Variants in SYNE2 observed in about 807,000 individuals in gnomAD.
The protein encoded by SYNE2 is nesprin-2.
Under a neutral mutation model 856.3 loss-of-function variants are expected in SYNE2, and 431 were observed. The ratio of observed to expected loss-of-function variants is 0.50; its 90% CI spans 0.47 to 0.55. The LOEUF is 0.55. SYNE2 is among the 20% of genes least tolerant of loss of function. SYNE2 has a pLI of 0.00. For synonymous variants in SYNE2, 2,923 were observed against 2,872.3 expected, an observed-to-expected ratio of 1.02 and a Z score of -0.56; for missense variants, 8,129 against 8,023.2, an observed-to-expected ratio of 1.01 and a Z score of -0.50.
intron 99 of SYNE2, 109 bp from the exon 100 acceptor site, chr14:64,202,692 A>G: frequency 7.1e-7 from 1 of 1,402,590 alleles, no homozygotes; most frequent in Non-Finnish European, 9.9e-7. Context: ...ATTCTTTTTT[A>G]CCCTGCAATG....
intron 94 of SYNE2, among the ~76,000 whole-genome samples, chr14:64,173,145 G>C (rs1223114855): frequency 6.6e-6 from 1 of 152,168 alleles, no homozygotes; most frequent in Admixed American, 6.5e-5. Context: ...GACGCAGTGC[G>C]TTAGGGTAGA....
At chr14:63,832,119 A>T (rs1048184617) in intron 1 of SYNE2, among the ~76,000 whole-genome samples, 10 of 152,116 alleles carry the variant, frequency 6.6e-5, no homozygotes, top group Admixed American at 5.2e-4. Context: ...CTACTAAATT[A>T]TGATTTTCAA....
chr14:63,829,545 G>A (rs781733861), intron 1 of SYNE2, among the ~76,000 whole-genome samples: 2 of 151,498 alleles, frequency 1.3e-5, no homozygotes, highest in African/African-American at 2.4e-5. Flanking sequence ...TGATTAAAAC[G>A]TATCTACACA....
Position 64,128,480 on chromosome 14 carries a change from T to C in SYNE2, c.13946T>C (p.Leu4649Pro). 2 of 1,600,110 alleles carry C rather than the reference T, an allele frequency of 1.2e-6. No homozygotes were observed. Among genetic ancestry groups the C allele is most frequent in the Non-Finnish European group, 1.7e-6 (2 of 1,167,210 alleles). The change falls in exon 74 of 116, where the codon CTC becomes CCC. Residue 4649 changes from leucine (L) to proline (P), a missense_variant. By Grantham distance (98) the Leu-to-Pro change is moderately conservative. Around this residue, in one of 3 missense-constraint regions of SYNE2, gnomAD observed 5,410 missense variants for 5,284.8 expected, o/e 1.02. Coordinates refer to ENST00000555002, the MANE Select transcript of SYNE2 (RefSeq NM_182914.3). Reference protein sequence around the residue: ...QNEIKRLYHQLIKSKTSLQQS... With the variant: ...QNEIKRLYHQPIKSKTSLQQS... ...GAAATAAAGAGATTATATCATCAGC[T>C]CATTAAGAGTAAGACATCTTTACAA...
chr14:63,948,407 T>C (rs1278710377), intron 6 of SYNE2, among the ~76,000 whole-genome samples: 1 of 152,124 alleles, frequency 6.6e-6, no homozygotes, highest in Non-Finnish European at 1.5e-5. Context: ...CTCACGCCTG[T>C]AATCCCAGCA....
intron 2 of SYNE2, among the ~76,000 whole-genome samples, chr14:63,939,165 A>T (rs2095869601): frequency 6.6e-6 from 1 of 152,054 alleles, no homozygotes; most frequent in Non-Finnish European, 1.5e-5. Flanking sequence ...ATGGAAGCTC[A>T]GTTGTTGAGT....
intron 99 of SYNE2, among the ~76,000 whole-genome samples, chr14:64,195,434 CAAGG>C (rs1292760646): frequency 6.6e-6 from 1 of 152,188 alleles, no homozygotes; most frequent in Non-Finnish European, 1.5e-5. Context: ...AAGCCACTGA[CAAGG>C]AGGGACTTTC....
chr14:64,017,654 C>A lies in SYNE2; in HGVS notation c.4947C>A (p.Asp1649Glu). ...TTGGTCGAGCTCTAGCTTTGTGGGACAAACTTTTTAACTTAAAAAATGTCA... is the reference window on the plus strand; with the variant it reads ...TTGGTCGAGCTCTAGCTTTGTGGGAAAAACTTTTTAACTTAAAAAATGTCA... ...ENLGRALALW[D>E]KLFNLKNVID... The change falls in exon 34 of 116, where the codon GAC becomes GAA. Residue 1649 changes from aspartate (D) to glutamate (E), a missense_variant. Asp to Glu is a conservative substitution (Grantham distance 45). Coordinates refer to ENST00000555002, the MANE Select transcript of SYNE2 (RefSeq NM_182914.3). 1 of 1,613,408 alleles carries A rather than the reference C, an allele frequency of 6.2e-7. No individual in the cohort carries two copies. The highest frequency in any genetic ancestry group is 2.2e-5 in the East Asian group (1 of 44,766).
At chr14:63,840,003 T>A (rs1351267082) in intron 1 of SYNE2, among the ~76,000 whole-genome samples, 2 of 152,210 alleles carry the variant, frequency 1.3e-5, no homozygotes, top group Non-Finnish European at 2.9e-5. Flanking sequence ...GCACGGTGGC[T>A]CACGCCTATA....
intron 1 of SYNE2, among the ~76,000 whole-genome samples, chr14:63,870,197 T>G (rs1896514617): frequency 6.6e-6 from 1 of 152,136 alleles, no homozygotes; most frequent in African/African-American, 2.4e-5. Context: ...ATTAACCCTG[T>G]GCTTTTCTTC....
intron 1 of SYNE2, among the ~76,000 whole-genome samples, chr14:63,796,014 A>G (rs1236706376): frequency 6.6e-6 from 1 of 152,248 alleles, no homozygotes; most frequent in Non-Finnish European, 1.5e-5. Flanking sequence ...GTACAGAGGA[A>G]ATTGTTAGAA....
At chr14:64,016,117 G>A (rs2096890008) in intron 32 of SYNE2, among the ~76,000 whole-genome samples, 1 of 151,902 alleles carries the variant, frequency 6.6e-6, no homozygotes, top group Non-Finnish European at 1.5e-5. Flanking sequence ...ATTCTTATTA[G>A]GCAGATGTAG....
intron 61 of SYNE2, among the ~76,000 whole-genome samples, chr14:64,093,783 G>T (rs906819357): frequency 1.3e-5 from 2 of 152,126 alleles, no homozygotes; most frequent in African/African-American, 4.8e-5. Flanking sequence ...CAGGGCTGCC[G>T]CATCTCCTTC....
chr14:64,189,357 T>A (rs1277097794), intron 98 of SYNE2, among the ~76,000 whole-genome samples: 1 of 151,056 alleles, frequency 6.6e-6, no homozygotes, highest in Admixed American at 6.6e-5. Context: ...GAAGCTCCCC[T>A]TGTTAAAGGG....
In SYNE2 at chr14:63,978,016, C is replaced by A; in HGVS notation, c.1405C>A (p.Arg469=). 6.3e-7 allele frequency: 1 copy of A among 1,581,552 alleles called. No homozygotes were observed. Among genetic ancestry groups the A allele is most frequent in the Non-Finnish European group, 8.7e-7 (1 of 1,150,406 alleles). The change falls in exon 13 of 116, where the codon CGA becomes AGA. Residue 469 remains arginine, a splice_region_variant and synonymous_variant. Transcript: ENST00000555002. ...TAACAAATTGGAGGAAATGAAAAGA[C>A]GGTGTGTAACACTACCATTTCACAG... ...PPNKLEEMKR[R]INNILEKKFI...
intron 47 of SYNE2, 71 bp downstream of exon 47, chr14:64,049,947 A>G: frequency 1.9e-6 from 3 of 1,561,826 alleles, no homozygotes; most frequent in African/African-American, 1.4e-5. Flanking sequence ...GGACAGGCCC[A>G]GGGTTTTAAG....
chr14:64,209,421 C>T lies in SYNE2; in HGVS notation c.18390-7C>T. Reference sequence around the variant, plus strand: ...TGGCTTGTGTTAAGTTGCTTTGCTCCCATCAGAATCGAGGAGACGTGGCGC... The same window carrying T: ...TGGCTTGTGTTAAGTTGCTTTGCTCTCATCAGAATCGAGGAGACGTGGCGC... On this transcript the variant is annotated splice_polypyrimidine_tract_variant and splice_region_variant and intron_variant, in intron 101 of 115. Coordinates refer to ENST00000555002, the MANE Select transcript of SYNE2 (RefSeq NM_182914.3). The T allele has an allele frequency of 6.2e-7, 1 of 1,614,182 alleles. No individual in the cohort carries two copies. Among genetic ancestry groups the T allele is most frequent in the Non-Finnish European group, 8.5e-7 (1 of 1,180,038 alleles).
intron 11 of SYNE2, among the ~76,000 whole-genome samples, chr14:63,971,839 T>C (rs1273042168): frequency 1.3e-5 from 2 of 152,164 alleles, no homozygotes; most frequent in Non-Finnish European, 2.9e-5. Context: ...AATGACTTTA[T>C]TGAGGAATAA....
intron 70 of SYNE2, chr14:64,122,654 C>T (rs763148575): frequency 1.7e-5 from 11 of 630,658 alleles, no homozygotes; most frequent in Middle Eastern, 4.2e-4. Context: ...AACAACTATC[C>T]GCCTGTTTGT....
Sources: allele counts gnomAD v4.1 joint callset (sites outside exome capture counted in the v4.1 genomes callset), GRCh38; gene constraint gnomAD v4.1.1; regional missense constraint gnomAD v4.1.1; transcripts MANE v1.5; gene names NCBI Gene and HGNC (gene_info 2026-07-23, HGNC 2026-07-21).